TMEM260: variants seen among roughly 807,000 people sequenced by gnomAD.
TMEM260 encodes the protein transmembrane protein 260.
Under a neutral mutation model 88.9 loss-of-function variants are expected in TMEM260, and 82 were observed. The ratio of observed to expected loss-of-function variants is 0.92; its 90% CI spans 0.77 to 1.11. TMEM260 has a LOEUF of 1.11. TMEM260 is among the 50% of genes least tolerant of loss of function. The pLI, the probability that TMEM260 is intolerant of heterozygous loss-of-function variation, is 0.00. For missense variants in TMEM260, 902 were observed against 853.4 expected, an observed-to-expected ratio of 1.06 and a Z score of -0.71; for synonymous variants, 314 against 309.3, an observed-to-expected ratio of 1.02 and a Z score of -0.16.
chr14:56,643,728 T>C (rs1028074710), intron 15 of TMEM260, among the ~76,000 whole-genome samples: 1 of 152,224 alleles, frequency 6.6e-6, no homozygotes, highest in Non-Finnish European at 1.5e-5. Flanking sequence ...TTGTCCCTGT[T>C]TGCAGATGAC....
intron 12 of TMEM260, among the ~76,000 whole-genome samples, chr14:56,632,003 A>G (rs1463901801): frequency 6.6e-6 from 1 of 152,118 alleles, no homozygotes; most frequent in Non-Finnish European, 1.5e-5. Flanking sequence ...CTGACTAGCT[A>G]CCTATGGTAA....
intron 15 of TMEM260, among the ~76,000 whole-genome samples, chr14:56,644,028 C>G (rs1009654566): frequency 6.6e-6 from 1 of 152,138 alleles, no homozygotes; most frequent in African/African-American, 2.4e-5. Flanking sequence ...AATGGAAGAA[C>G]ATTCCATGCT....
intron 15 of TMEM260, among the ~76,000 whole-genome samples, chr14:56,642,047 A>C (rs1439228962): frequency 2.0e-5 from 3 of 152,220 alleles, no homozygotes; most frequent in Non-Finnish European, 4.4e-5. Context: ...AGACTCCCAC[A>C]CAATAATAAT....
rs569467691 is a variant in TMEM260 at position 56,631,700 on chromosome 14, G to C, written c.1548-1295G>C. 2.0e-5 allele frequency among the ~76,000 whole-genome samples: 3 copies of C among 152,070 alleles called. No individual in the cohort carries two copies. In the South Asian group the frequency reaches 6.2e-4, roughly 32 times the overall value. ...GCTCACTTGTGTTATTCCCTCACTG[G>C]TGGTTTGGCCCTAGAAGGTCATACC... On this transcript the variant is annotated intron_variant, in intron 12 of 15. Transcript: ENST00000261556.
At chr14:56,618,199 C>G (rs1887701971) in intron 9 of TMEM260, among the ~76,000 whole-genome samples, 1 of 152,196 alleles carries the variant, frequency 6.6e-6, no homozygotes, top group Admixed American at 6.5e-5. Context: ...TCAGATCAGT[C>G]CCTACATCCT....
At chr14:56,622,783 G>A (rs2139601756) in intron 11 of TMEM260, among the ~76,000 whole-genome samples, 1 of 152,262 alleles carries the variant, frequency 6.6e-6, no homozygotes, top group East Asian at 1.9e-4. Flanking sequence ...AGTACTTAAT[G>A]CACTTTGTTG....
At chr14:56,596,784 T>TA (rs764574288) in intron 3 of TMEM260, among the ~76,000 whole-genome samples, 3,182 of 114,248 alleles carry the variant, frequency 0.028, 104 homozygotes, top group East Asian at 0.13. Flanking sequence ...AAAAAAAAAT[T>TA]AAAAAAAAAA....
chr14:56,640,426 G>A lies in TMEM260; in HGVS notation c.1869+3828G>A, dbSNP rs189870754. ...TCCAGCAAACTCCAAAAGACCTGCA[G>A]CTGAGGGTCCTGACTGTTAGAAGGA... On this transcript the variant is annotated intron_variant, in intron 15 of 15. Transcript: ENST00000261556. Among the ~76,000 whole-genome samples, 29 of 152,330 alleles carry A rather than the reference G, an allele frequency of 1.9e-4. 1 individual carries two copies. The highest frequency in any genetic ancestry group is 6.7e-4 in the African/African-American group (28 of 41,570).
intron 15 of TMEM260, among the ~76,000 whole-genome samples, chr14:56,637,200 ATTTGTTACAGTG>A (rs1218004307): frequency 6.6e-6 from 1 of 152,200 alleles, no homozygotes; most frequent in Non-Finnish European, 1.5e-5. Flanking sequence ...TATGTTGTTT[ATTTGTTACAGTG>A]GCAATAGGAA....
downstream of TMEM260, among the ~76,000 whole-genome samples, chr14:56,655,344 G>T (rs35528326): frequency 8.1e-5 from 12 of 148,858 alleles, no homozygotes; most frequent in Non-Finnish European, 1.8e-4. Flanking sequence ...GAGCTATCAC[G>T]CCACTGCACT....
chr14:56,639,627 C>G (rs940255165), intron 15 of TMEM260, among the ~76,000 whole-genome samples: 1 of 152,178 alleles, frequency 6.6e-6, no homozygotes, highest in Admixed American at 6.5e-5. Flanking sequence ...GTTCATCTCA[C>G]TGGGGAGTGC....
chr14:56,597,583 A>G (rs918040710), intron 3 of TMEM260, among the ~76,000 whole-genome samples: 1 of 152,196 alleles, frequency 6.6e-6, no homozygotes, highest in African/African-American at 2.4e-5. Context: ...TTATCATTAA[A>G]GGAGAGGTCA....
intron 15 of TMEM260, among the ~76,000 whole-genome samples, chr14:56,646,602 T>G (rs1053073324): frequency 6.6e-6 from 1 of 152,210 alleles, no homozygotes; most frequent in African/African-American, 2.4e-5. Context: ...TAAATTCCTA[T>G]GGGCAAAGTT....
At chr14:56,638,017 A>G (rs1325583813) in intron 15 of TMEM260, among the ~76,000 whole-genome samples, 1 of 150,962 alleles carries the variant, frequency 6.6e-6, no homozygotes, top group African/African-American at 2.5e-5. Flanking sequence ...GGAGGGAGGA[A>G]GGGAAGGCTT....
intron 12 of TMEM260, among the ~76,000 whole-genome samples, chr14:56,629,526 G>A (rs1462383860): frequency 6.6e-6 from 1 of 150,946 alleles, no homozygotes; most frequent in Admixed American, 6.6e-5. Flanking sequence ...CAGATCTGTT[G>A]TTCTTTCTTC....
At chr14:56,605,710 AG>A in intron 5 of TMEM260, 27 bp downstream of exon 5, 1 of 1,371,990 alleles carries the variant, frequency 7.3e-7, no homozygotes, top group South Asian at 1.3e-5. Context: ...TGTAAAAAAA[AG>A]TACAATATTT....
intron 1 of TMEM260, among the ~76,000 whole-genome samples, chr14:56,583,794 C>G (rs1279302907): frequency 6.6e-6 from 1 of 151,888 alleles, no homozygotes; most frequent in East Asian, 1.9e-4. Flanking sequence ...AGAAGAGGTG[C>G]AAAAGAGGAC....
intron 11 of TMEM260, among the ~76,000 whole-genome samples, chr14:56,621,912 TTCTC>T (rs1439978433): frequency 6.6e-6 from 1 of 152,196 alleles, no homozygotes; most frequent in East Asian, 1.9e-4. Flanking sequence ...AGTTGCTTCT[TTCTC>T]ATTTAAAAAC....
At chr14:56,594,029 T>C (rs977845004) in intron 3 of TMEM260, among the ~76,000 whole-genome samples, 1 of 152,174 alleles carries the variant, frequency 6.6e-6, no homozygotes, top group Non-Finnish European at 1.5e-5. Flanking sequence ...ATTAAAATTA[T>C]CATAGTGGTG....
Sources: allele counts gnomAD v4.1 joint callset (sites outside exome capture counted in the v4.1 genomes callset), GRCh38; gene constraint gnomAD v4.1.1; transcripts MANE v1.5; gene names NCBI Gene and HGNC (gene_info 2026-07-23, HGNC 2026-07-21).